The following RFX3 variants were observed in gnomAD, a reference collection of about 807,000 sequenced individuals.
RFX3 encodes transcription factor RFX3.
Under a neutral mutation model 98.6 loss-of-function variants are expected in RFX3, and 14 were observed. The ratio of observed to expected loss-of-function variants is 0.14; its 90% CI spans 0.09 to 0.22. RFX3 has a LOEUF of 0.22. RFX3 is among the 10% of genes least tolerant of loss of function. The probability of loss-of-function intolerance (pLI) is 1.00; values close to 1 mark genes in which losing one functional copy is unlikely to be tolerated. For synonymous variants in RFX3, 383 were observed against 328.4 expected (o/e 1.17, Z -1.80); for missense variants, 639 against 926.9 (o/e 0.69, Z 4.03).
intron 5 of RFX3, among the ~76,000 whole-genome samples, chr9:3,298,011 A>G (rs1338254304): frequency 6.6e-6 from 1 of 151,906 alleles, no homozygotes; most frequent in African/African-American, 2.4e-5. Flanking sequence ...CTGCAATGAA[A>G]AGAATTAAAT....
At chr9:3,430,188 T>C (rs1844520753) in intron 1 of RFX3, among the ~76,000 whole-genome samples, 1 of 152,182 alleles carries the variant, frequency 6.6e-6, no homozygotes, top group African/African-American at 2.4e-5. Context: ...AAAAGAAATC[T>C]TACATGTAAA....
chr9:3,286,777 CCTT>C (rs1438609569), intron 7 of RFX3, among the ~76,000 whole-genome samples: 4 of 151,908 alleles, frequency 2.6e-5, no homozygotes, highest in Admixed American at 1.3e-4. Flanking sequence ...TCAACCACCT[CCTT>C]GATTCTCCTT....
At chr9:3,275,168 T>G (rs1825042347) in intron 9 of RFX3, among the ~76,000 whole-genome samples, 1 of 151,826 alleles carries the variant, frequency 6.6e-6, no homozygotes, top group Non-Finnish European at 1.5e-5. Context: ...AAAATAATAA[T>G]GCAACAAATG....
intron 1 of RFX3, among the ~76,000 whole-genome samples, chr9:3,450,921 T>G (rs556457768): frequency 6.6e-6 from 1 of 152,272 alleles, no homozygotes; most frequent in Non-Finnish European, 1.5e-5. Context: ...ATATTTGGTT[T>G]TAAAAGAGCT....
intron 1 of RFX3, among the ~76,000 whole-genome samples, chr9:3,504,120 C>T (rs993656228): frequency 1.6e-4 from 20 of 128,866 alleles, no homozygotes; most frequent in Admixed American, 5.6e-4. Context: ...TCTCTCTCTC[C>T]CTCTCTCTTT....
intron 1 of RFX3, among the ~76,000 whole-genome samples, chr9:3,457,858 C>CG (rs1659149008): frequency 6.6e-6 from 1 of 151,964 alleles, no homozygotes; most frequent in Non-Finnish European, 1.5e-5. Context: ...TCTATCTAGT[C>CG]GCTGTCTTCA....
intron 1 of RFX3, among the ~76,000 whole-genome samples, chr9:3,429,148 A>G (rs1054751679): frequency 3.1e-4 from 47 of 149,686 alleles, no homozygotes; most frequent in South Asian, 2.1e-3. Flanking sequence ...TCAGCCTCCC[A>G]AGTAGCTGGG....
At chr9:3,246,940 T>A (rs1210075525) in intron 15 of RFX3, 9 of 525,854 alleles carry the variant, frequency 1.7e-5, no homozygotes, top group African/African-American at 2.1e-5. Context: ...TGACATGCAT[T>A]TTATTTATAC....
At chr9:3,437,036 G>A (rs1431664983) in intron 1 of RFX3, among the ~76,000 whole-genome samples, 1 of 152,040 alleles carries the variant, frequency 6.6e-6, no homozygotes, top group East Asian at 1.9e-4. Flanking sequence ...TTCTTTTATA[G>A]CACAATTCAT....
chr9:3,296,958 T>G (rs1828074326), intron 5 of RFX3, among the ~76,000 whole-genome samples: 2 of 152,110 alleles, frequency 1.3e-5, no homozygotes, highest in Admixed American at 6.6e-5. Flanking sequence ...CTTTTACGTT[T>G]TGACACAGTG....
chr9:3,268,616 C>A (rs923291604), intron 11 of RFX3, among the ~76,000 whole-genome samples: 1 of 151,770 alleles, frequency 6.6e-6, no homozygotes, highest in African/African-American at 2.4e-5. Context: ...CAAAACTATT[C>A]GGGTGTCTGC....
At chr9:3,430,948 T>C (rs1844603940) in intron 1 of RFX3, among the ~76,000 whole-genome samples, 3 of 152,202 alleles carry the variant, frequency 2.0e-5, no homozygotes, top group South Asian at 4.1e-4. Context: ...AGTTAAAATG[T>C]ATCAAACCTT....
intron 1 of RFX3, among the ~76,000 whole-genome samples, chr9:3,445,944 A>T (rs1846006487): frequency 1.3e-5 from 2 of 152,052 alleles, no homozygotes; most frequent in Admixed American, 1.3e-4. Context: ...ATCTTCTTTG[A>T]CATTCCAGTC....
intron 2 of RFX3, among the ~76,000 whole-genome samples, chr9:3,394,246 GA>G (rs1415562645): frequency 2.0e-5 from 3 of 152,084 alleles, no homozygotes; most frequent in Non-Finnish European, 2.9e-5. Context: ...GGCGGATCAC[GA>G]GGTCAGGAGA....
At chr9:3,401,353 A>G (rs1249550211) in intron 1 of RFX3, among the ~76,000 whole-genome samples, 1 of 152,136 alleles carries the variant, frequency 6.6e-6, no homozygotes, top group African/African-American at 2.4e-5. Context: ...CAAAGTAAGG[A>G]TCATCACATG....
At chr9:3,379,668 C>A (rs1346522475) in intron 2 of RFX3, among the ~76,000 whole-genome samples, 1 of 151,958 alleles carries the variant, frequency 6.6e-6, no homozygotes, top group Non-Finnish European at 1.5e-5. Context: ...GCACATACAC[C>A]TGCACACACA....
At chr9:3,339,255 TAGTC>T (rs1833578947) in intron 3 of RFX3, among the ~76,000 whole-genome samples, 1 of 152,096 alleles carries the variant, frequency 6.6e-6, no homozygotes, top group South Asian at 2.1e-4. Context: ...AAGATATACA[TAGTC>T]AGTACATATA....
intron 1 of RFX3, among the ~76,000 whole-genome samples, chr9:3,525,179 C>G (rs955871915): frequency 6.6e-6 from 1 of 152,002 alleles, no homozygotes; most frequent in Non-Finnish European, 1.5e-5. Context: ...GAAAAGTTCA[C>G]CAACGTATGA....
chr9:3,457,290 ATC>A (rs2132985281), intron 1 of RFX3, among the ~76,000 whole-genome samples: 1 of 151,562 alleles, frequency 6.6e-6, no homozygotes, highest in Admixed American at 6.6e-5. Context: ...GTTTTCTGGC[ATC>A]TCTGTTACTG....
Sources: allele counts gnomAD v4.1 joint callset (sites outside exome capture counted in the v4.1 genomes callset), GRCh38; gene constraint gnomAD v4.1.1; transcripts MANE v1.5; gene names NCBI Gene and HGNC (gene_info 2026-07-23, HGNC 2026-07-21).